Variants in NR3C1 observed in about 807,000 individuals in gnomAD.
The protein encoded by NR3C1 is nuclear receptor subfamily 3 group C member 1, also known as glucocorticoid receptor.
Under a neutral mutation model 74.0 loss-of-function variants are expected in NR3C1, and 14 were observed. That is an observed-to-expected ratio of 0.19 (90% CI 0.12 to 0.30). The LOEUF is 0.30. Ranked by LOEUF, NR3C1 falls within the 10% of genes least tolerant of loss-of-function variation. NR3C1 has a pLI of 1.00. For synonymous variants in NR3C1, 308 were observed against 332.5 expected (o/e 0.93, Z 0.80); for missense variants, 695 against 909.8 (o/e 0.76, Z 3.04).
chr5:143,297,974 T>C (rs894324930), intron 6 of NR3C1, among the ~76,000 whole-genome samples: 2 of 152,102 alleles, frequency 1.3e-5, no homozygotes, highest in African/African-American at 4.8e-5. Context: ...TGGGGAGATA[T>C]GTGATGCAGT....
chr5:143,392,861 T>C (rs1407688168), intron 2 of NR3C1, among the ~76,000 whole-genome samples: 1 of 152,160 alleles, frequency 6.6e-6, no homozygotes, highest in African/African-American at 2.4e-5. Context: ...CAATCAACTA[T>C]TTGTTCCAGA....
chr5:143,389,167 G>A (rs574836183), intron 2 of NR3C1, among the ~76,000 whole-genome samples: 2 of 152,268 alleles, frequency 1.3e-5, no homozygotes, highest in South Asian at 4.1e-4. Flanking sequence ...CTGAGGGAGG[G>A]GGAGGCAGGG....
chr5:143,333,724 C>T (rs1413869066), intron 2 of NR3C1, among the ~76,000 whole-genome samples: 2 of 152,182 alleles, frequency 1.3e-5, no homozygotes, highest in South Asian at 2.1e-4. Flanking sequence ...GCCAAGATTG[C>T]GCCAGTGCAC....
At chr5:143,398,354 TG>T (rs1245980984) in intron 2 of NR3C1, among the ~76,000 whole-genome samples, 1 of 110,406 alleles carries the variant, frequency 9.1e-6, no homozygotes, top group African/African-American at 3.0e-5. Context: ...CAAGGTTTTT[TG>T]GTTTTTTTTT....
intron 2 of NR3C1, among the ~76,000 whole-genome samples, chr5:143,327,198 A>G (rs1824797806): frequency 6.6e-6 from 1 of 152,184 alleles, no homozygotes; most frequent in South Asian, 2.1e-4. Context: ...GGGCAGGGGA[A>G]GCAAGACACG....
At chr5:143,426,950 T>G (rs1400349962) in intron 1 of NR3C1, among the ~76,000 whole-genome samples, 1 of 152,226 alleles carries the variant, frequency 6.6e-6, no homozygotes, top group African/African-American at 2.4e-5. Context: ...ACCACCCATG[T>G]GAGTGGATGT....
intron 2 of NR3C1, among the ~76,000 whole-genome samples, chr5:143,344,016 T>TA (rs1554085363): frequency 6.6e-6 from 1 of 151,558 alleles, no homozygotes; most frequent in Non-Finnish European, 1.5e-5. Context: ...CTGTCAGCTA[T>TA]TTTTTTTTCT....
chr5:143,312,027 ACT>A (rs1428479883), intron 3 of NR3C1, among the ~76,000 whole-genome samples: 11 of 152,146 alleles, frequency 7.2e-5, no homozygotes, highest in Admixed American at 2.0e-4. Context: ...GTCTTCTACT[ACT>A]TGGTAAATTC....
chr5:143,311,436 G>T (rs998393086), intron 3 of NR3C1, among the ~76,000 whole-genome samples: 4 of 152,166 alleles, frequency 2.6e-5, no homozygotes, highest in African/African-American at 9.7e-5. Flanking sequence ...CTTGTGCACA[G>T]CTAAGACTCT....
chr5:143,381,862 A>G (rs1836309762), intron 2 of NR3C1, among the ~76,000 whole-genome samples: 1 of 152,210 alleles, frequency 6.6e-6, no homozygotes, highest in Non-Finnish European at 1.5e-5. Flanking sequence ...GGACACTGGT[A>G]TGGGCAAAGA....
At chr5:143,421,528 CAT>C (rs1600678890) in intron 1 of NR3C1, among the ~76,000 whole-genome samples, 1 of 145,836 alleles carries the variant, frequency 6.9e-6, no homozygotes, top group Non-Finnish European at 1.5e-5. Context: ...GCACTTAAAA[CAT>C]AGCCTGGCAC....
At chr5:143,282,125 A>C (rs889417248) in intron 8 of NR3C1, 84 bp from the exon 9 acceptor site, 5 of 1,452,508 alleles carry the variant, frequency 3.4e-6, no homozygotes, top group Non-Finnish European at 4.8e-6. Flanking sequence ...ATTTTGAAAA[A>C]ATTATCTGGC....
chr5:143,404,814 C>T (rs1840985388), upstream of NR3C1: 1 of 157,744 alleles, frequency 6.3e-6, no homozygotes, highest in Non-Finnish European at 1.4e-5. Context: ...CGGCCAGGGC[C>T]CGCGTCCAAG....
intron 3 of NR3C1, among the ~76,000 whole-genome samples, chr5:143,313,505 T>C (rs766695589): frequency 3.3e-5 from 5 of 152,132 alleles, no homozygotes; most frequent in Non-Finnish European, 2.9e-5. Context: ...TCAGGTCTTA[T>C]TGGTATTTAT....
At chr5:143,316,863 C>T (rs1335059773) in intron 2 of NR3C1, among the ~76,000 whole-genome samples, 1 of 152,130 alleles carries the variant, frequency 6.6e-6, no homozygotes, top group Non-Finnish European at 1.5e-5. Context: ...AATCCTAGGA[C>T]CGTATTCCCA....
At chr5:143,418,764 C>T (rs1403273697) in intron 1 of NR3C1, among the ~76,000 whole-genome samples, 1 of 152,128 alleles carries the variant, frequency 6.6e-6, no homozygotes, top group African/African-American at 2.4e-5. Flanking sequence ...AGTGATGACA[C>T]AGATTATGCT....
chr5:143,427,213 A>C (rs970251354), intron 1 of NR3C1, among the ~76,000 whole-genome samples: 11 of 152,136 alleles, frequency 7.2e-5, no homozygotes, highest in African/African-American at 2.2e-4. Context: ...TTCACTCCAG[A>C]TATAGCTTAG....
At chr5:143,307,378 A>T (rs979797146) in intron 4 of NR3C1, among the ~76,000 whole-genome samples, 2 of 152,184 alleles carry the variant, frequency 1.3e-5, no homozygotes, top group African/African-American at 4.8e-5. Flanking sequence ...AAGGAGGAAA[A>T]AATGGACAGA....
chr5:143,423,777 A>G (rs1561816316), intron 1 of NR3C1, among the ~76,000 whole-genome samples: 1 of 152,160 alleles, frequency 6.6e-6, no homozygotes, highest in Non-Finnish European at 1.5e-5. Flanking sequence ...ATTCAGCCAT[A>G]AAAAAGAATG....
Sources: gnomAD v4.1 joint callset for allele counts (sites outside exome capture counted in the v4.1 genomes callset) on GRCh38, gnomAD v4.1.1 for gene constraint, MANE v1.5 for transcripts, NCBI Gene and HGNC (gene_info 2026-07-23, HGNC 2026-07-21) for gene names.